FBXO16: variants seen among roughly 807,000 people sequenced by gnomAD.
FBXO16 encodes the protein F-box only protein 16.
A neutral mutation model predicts 41.0 loss-of-function variants in FBXO16; 31 were observed. The observed-to-expected ratio is 0.76, with a 90% CI of 0.57 to 1.02. The LOEUF is 1.02. FBXO16 is among the 50% of genes least tolerant of loss of function. The pLI is 0.00. For synonymous variants in FBXO16, 133 were observed against 117.8 expected (o/e 1.13, Z -0.84); for missense variants, 361 against 346.2 (o/e 1.04, Z -0.34).
rs979625740 is a variant in FBXO16 at position 28,461,116 on chromosome 8, G to A, written c.342+2496C>T. Among the ~76,000 whole-genome samples, 9 of 147,642 alleles carry A rather than the reference G, an allele frequency of 6.1e-5. No homozygotes were observed. The East Asian group carries it at 7.9e-4, about 13-fold the overall frequency. Reference sequence around the variant, plus strand: ...TTTTTTTTTTTACCAATGACGCGTCGTGGAGATAGTTGCAACTTATTTACC... The same window carrying A: ...TTTTTTTTTTTACCAATGACGCGTCATGGAGATAGTTGCAACTTATTTACC... On this transcript the variant is annotated intron_variant, in intron 4 of 8. Coordinates refer to ENST00000380254, the MANE Select transcript of FBXO16 (RefSeq NM_172366.4).
chr8:28,486,509 C>T (rs1328017451), intron 1 of FBXO16, among the ~76,000 whole-genome samples: 1 of 151,580 alleles, frequency 6.6e-6, no homozygotes. Flanking sequence ...CAGGCGTAAG[C>T]CACCGCCGCG....
At chr8:28,478,821 C>CAAAAAAAAAAAAAAAAA (rs35959759) in intron 2 of FBXO16, among the ~76,000 whole-genome samples, 8 of 117,818 alleles carry the variant, frequency 6.8e-5, no homozygotes, top group African/African-American at 2.6e-4. Flanking sequence ...ATTCTGTCTC[C>CAAAAAAAAAAAAAAAAA]AAAAAAAAAA....
intron 3 of FBXO16, among the ~76,000 whole-genome samples, chr8:28,472,462 A>G (rs1042033421): frequency 6.6e-6 from 1 of 152,060 alleles, no homozygotes; most frequent in Non-Finnish European, 1.5e-5. Context: ...TGGGCTGGGC[A>G]TGTGGTTCGC....
chr8:28,463,779 TGA>T lies in FBXO16; in HGVS notation c.173_174del (p.Leu58HisfsTer66). The T allele has an allele frequency of 6.2e-7, 1 of 1,614,020 alleles. No homozygotes were observed. Among genetic ancestry groups the T allele is most frequent in the Non-Finnish European group, 8.5e-7 (1 of 1,179,940 alleles). ...KWTDSQRRRI[L>X]TGLLERCSLS... ...AGCGAGCAGCGCTCCAACAGGCCTG[TGA>T]GGATTCTTCTTCTTTGAGAGTCTGT... On this transcript the variant is annotated frameshift_variant, in exon 4 of 9. Transcript: ENST00000380254. LOFTEE classifies it high-confidence loss of function.
intron 2 of FBXO16, among the ~76,000 whole-genome samples, chr8:28,477,629 A>G (rs1179862672): frequency 6.6e-6 from 1 of 152,212 alleles, no homozygotes; most frequent in Non-Finnish European, 1.5e-5. Flanking sequence ...TTAAAATTGG[A>G]AACATTGCTG....
chr8:28,439,015 G>A (rs1023337059), intron 7 of FBXO16, among the ~76,000 whole-genome samples: 4 of 150,818 alleles, frequency 2.7e-5, no homozygotes, highest in East Asian at 1.9e-4. Context: ...CAGGAGAATC[G>A]TTTGAACCCA....
chr8:28,470,923 T>G (rs879634452), intron 3 of FBXO16, among the ~76,000 whole-genome samples: 3 of 152,234 alleles, frequency 2.0e-5, no homozygotes, highest in Admixed American at 2.0e-4. Context: ...TCCAGCAAGT[T>G]AAAAGTGATG....
intron 7 of FBXO16, among the ~76,000 whole-genome samples, chr8:28,436,383 C>T (rs964325020): frequency 1.3e-5 from 2 of 152,138 alleles, no homozygotes; most frequent in Admixed American, 6.5e-5. Flanking sequence ...ATGCTTCTGG[C>T]GGAAACAGAG....
intron 1 of FBXO16, among the ~76,000 whole-genome samples, chr8:28,486,503 C>A (rs1025546366): frequency 1.3e-5 from 2 of 151,996 alleles, no homozygotes; most frequent in Non-Finnish European, 2.9e-5. Flanking sequence ...GGATTACAGG[C>A]GTAAGCCACC....
At chr8:28,441,908 ATATGTGTGTGTG>A (rs1802784644) in intron 7 of FBXO16, among the ~76,000 whole-genome samples, 3 of 115,384 alleles carry the variant, frequency 2.6e-5, no homozygotes, top group Admixed American at 2.4e-4. Flanking sequence ...GTGTATATAT[ATATGTGTGTGTG>A]TGTGTGTGTG....
At chr8:28,474,394 GA>G (rs1205506572) in intron 2 of FBXO16, among the ~76,000 whole-genome samples, 1 of 96,074 alleles carries the variant, frequency 1.0e-5, no homozygotes, top group East Asian at 2.7e-4. Context: ...GAAAAGAAAA[GA>G]AAAAATAGTT....
intron 5 of FBXO16, among the ~76,000 whole-genome samples, chr8:28,456,199 GA>G (rs10708776): frequency 0.42 from 62,625 of 150,672 alleles, 13,503 homozygotes; most frequent in East Asian, 0.55. Flanking sequence ...GAAGCCACTA[GA>G]AAAAAAAAAT....
chr8:28,488,958 T>A lies in FBXO16; in HGVS notation c.-17+1228A>T, dbSNP rs563360248. Among the ~76,000 whole-genome samples the A allele has an allele frequency of 6.6e-5, 10 of 151,878 alleles. No homozygotes were observed. In the South Asian group the frequency reaches 2.1e-3, roughly 32 times the overall value. ...CAACTCTGATGATTCTTGGCTTATG[T>A]GGTTTTCTGATGCTCACTGCTCACC... On this transcript the variant is annotated intron_variant, in intron 1 of 8. Transcript: ENST00000380254.
intron 6 of FBXO16, among the ~76,000 whole-genome samples, chr8:28,448,601 T>C (rs1407159594): frequency 6.6e-6 from 1 of 152,220 alleles, no homozygotes; most frequent in African/African-American, 2.4e-5. Context: ...TTCATGTGAA[T>C]TTAATGCAGT....
intron 2 of FBXO16, among the ~76,000 whole-genome samples, chr8:28,477,598 A>T (rs144375292): frequency 1.3e-5 from 2 of 152,334 alleles, no homozygotes; most frequent in Admixed American, 1.3e-4. Context: ...TATACGATAC[A>T]TATTTATGTT....
At chr8:28,478,004 T>A (rs1803450349) in intron 2 of FBXO16, among the ~76,000 whole-genome samples, 1 of 151,924 alleles carries the variant, frequency 6.6e-6, no homozygotes, top group African/African-American at 2.4e-5. Flanking sequence ...CAGAGTGAGA[T>A]CCTCAAAAAC....
intron 2 of FBXO16, among the ~76,000 whole-genome samples, chr8:28,475,564 C>T (rs185462173): frequency 2.0e-4 from 30 of 152,332 alleles, no homozygotes; most frequent in Admixed American, 1.4e-3. Flanking sequence ...AATCATGCAT[C>T]GCCCAACCCA....
intron 4 of FBXO16, among the ~76,000 whole-genome samples, chr8:28,458,337 G>T (rs997835153): frequency 6.6e-6 from 1 of 152,134 alleles, no homozygotes; most frequent in African/African-American, 2.4e-5. Flanking sequence ...GTTAGGGAAG[G>T]AGGAAAAAGT....
chr8:28,430,444 T>C (rs1165108695), intron 7 of FBXO16, among the ~76,000 whole-genome samples: 1 of 152,152 alleles, frequency 6.6e-6, no homozygotes, highest in Non-Finnish European at 1.5e-5. Flanking sequence ...TGTTTGTTGA[T>C]TTTTCTGGGA....
Sources: allele counts gnomAD v4.1 joint callset (sites outside exome capture counted in the v4.1 genomes callset), GRCh38; gene constraint gnomAD v4.1.1; transcripts MANE v1.5; gene names NCBI Gene and HGNC (gene_info 2026-07-23, HGNC 2026-07-21).